Variants in EBF2 observed in about 807,000 individuals in gnomAD.
The protein encoded by EBF2 is transcription factor COE2.
Under a neutral mutation model 72.8 loss-of-function variants are expected in EBF2, and 21 were observed. The ratio of observed to expected loss-of-function variants is 0.29; its 90% CI spans 0.20 to 0.42. EBF2 has a LOEUF of 0.42. Among genes scored for constraint, EBF2 ranks in the 10% least tolerant of loss-of-function variants. The pLI, the probability that EBF2 is intolerant of heterozygous loss-of-function variation, is 1.00. For missense variants in EBF2, 637 were observed against 731.2 expected (o/e 0.87, Z 1.49); for synonymous variants, 299 against 274.2 (o/e 1.09, Z -0.89).
intron 15 of EBF2, 30 bp from the exon 16 acceptor site, chr8:25,844,670 A>T: frequency 6.2e-7 from 1 of 1,613,856 alleles, no homozygotes; most frequent in Non-Finnish European, 8.5e-7. Context: ...CAGGAATGAG[A>T]CTTGGGGACT....
In EBF2 at chr8:25,861,055, T is replaced by G; in HGVS notation, c.1336A>C (p.Asn446His). 1 of 1,614,148 alleles carries G rather than the reference T, an allele frequency of 6.2e-7. No homozygotes were observed. Among genetic ancestry groups the G allele is most frequent in the Non-Finnish European group, 8.5e-7 (1 of 1,180,018 alleles). The change falls in exon 13 of 16, where the codon AAT (asparagine) becomes CAT (histidine). Residue 446 changes from asparagine (N) to histidine (H), a missense_variant. Around this residue, in one of 3 missense-constraint regions of EBF2, gnomAD observed 259 missense variants for 268.1 expected, o/e 0.97. Transcript: ENST00000520164. ...VSISESTQGN[N>H]QGYIRNTSSI... Reference sequence around the variant, plus strand: ...ACTCTAAGAAAGGTGGTACCTTGATTATTTCCTTGTGTTGACTCTGAGATG... The same window carrying G: ...ACTCTAAGAAAGGTGGTACCTTGATGATTTCCTTGTGTTGACTCTGAGATG...
intron 6 of EBF2, among the ~76,000 whole-genome samples, chr8:25,943,475 A>T (rs1803714497): frequency 6.6e-6 from 1 of 152,166 alleles, no homozygotes; most frequent in East Asian, 1.9e-4. Context: ...ATGCCACTGC[A>T]CTCCAGTCTG....
At chr8:25,879,167 T>C (rs1802567232) in intron 10 of EBF2, among the ~76,000 whole-genome samples, 3 of 152,174 alleles carry the variant, frequency 2.0e-5, no homozygotes, top group Non-Finnish European at 4.4e-5. Flanking sequence ...ATCTAAACAT[T>C]GGGTCATATC....
chr8:25,971,208 T>C (rs1323271076), intron 6 of EBF2, among the ~76,000 whole-genome samples: 1 of 152,136 alleles, frequency 6.6e-6, no homozygotes, highest in African/African-American at 2.4e-5. Context: ...ACCTGGCTAA[T>C]GTGGAAAAAT....
At chr8:25,848,147 T>G (rs1801877910) in intron 15 of EBF2, among the ~76,000 whole-genome samples, 1 of 152,150 alleles carries the variant, frequency 6.6e-6, no homozygotes. Context: ...TATAGGTGTG[T>G]GCCACCACGC....
At chr8:25,848,038 AC>A (rs1490579732) in intron 15 of EBF2, among the ~76,000 whole-genome samples, 1 of 149,066 alleles carries the variant, frequency 6.7e-6, no homozygotes, top group Admixed American at 6.6e-5. Context: ...TTAAAAAAAA[AC>A]CTATAAAAAC....
chr8:25,865,749 G>A (rs1401122836), intron 10 of EBF2, among the ~76,000 whole-genome samples: 3 of 150,292 alleles, frequency 2.0e-5, no homozygotes, highest in Admixed American at 1.3e-4. Context: ...AACCAGGCCA[G>A]GCGCAGTGAC....
intron 6 of EBF2, among the ~76,000 whole-genome samples, chr8:25,971,917 G>A (rs1402562265): frequency 1.3e-5 from 2 of 152,304 alleles, no homozygotes; most frequent in East Asian, 3.9e-4. Flanking sequence ...TGGGCTGCAA[G>A]GCTGGGCGCC....
At chr8:25,982,902 A>T (rs1037316482) in intron 6 of EBF2, among the ~76,000 whole-genome samples, 14 of 151,440 alleles carry the variant, frequency 9.2e-5, no homozygotes, top group African/African-American at 3.4e-4. Flanking sequence ...TTACATATCA[A>T]TATATCTTTA....
rs145529564 is a variant in EBF2 at position 26,008,441 on chromosome 8, T to C, written c.551+24644A>G. ...TTAAATAAATGTTTAAGTGGCTGTTTAAGAGCAAAAAGTCAGCCTAGTGTA... is the reference window on the plus strand; with the variant it reads ...TTAAATAAATGTTTAAGTGGCTGTTCAAGAGCAAAAAGTCAGCCTAGTGTA... On this transcript the variant is annotated intron_variant, in intron 6 of 15. Transcript: ENST00000520164. Among the ~76,000 whole-genome samples, 1,260 of 152,256 alleles carry C rather than the reference T, an allele frequency of 8.3e-3. 9 individuals carry two copies. The highest frequency in any genetic ancestry group is 0.021 in the African/African-American group (893 of 41,554).
chr8:25,985,307 A>G (rs1461574660), intron 6 of EBF2, among the ~76,000 whole-genome samples: 1 of 152,194 alleles, frequency 6.6e-6, no homozygotes, highest in Non-Finnish European at 1.5e-5. Context: ...ATACAGTGCC[A>G]CAGCAGATTT....
At chr8:25,860,220 A>G (rs746198608) in intron 13 of EBF2, among the ~76,000 whole-genome samples, 10 of 152,204 alleles carry the variant, frequency 6.6e-5, no homozygotes, top group Non-Finnish European at 1.5e-4. Context: ...TCTGCTTCAC[A>G]TGTAAAAGCA....
At chr8:26,009,195 T>C (rs1804937596) in intron 6 of EBF2, among the ~76,000 whole-genome samples, 1 of 152,074 alleles carries the variant, frequency 6.6e-6, no homozygotes, top group Non-Finnish European at 1.5e-5. Flanking sequence ...GCTCTTTCTT[T>C]CCTTTTCCTT....
chr8:25,938,990 C>T (rs1385965929), intron 6 of EBF2, among the ~76,000 whole-genome samples: 1 of 152,148 alleles, frequency 6.6e-6, no homozygotes, highest in Non-Finnish European at 1.5e-5. Context: ...GGAACCCCTC[C>T]ATGGACAGTT....
chr8:25,928,564 C>T (rs73225942), intron 6 of EBF2, among the ~76,000 whole-genome samples: 6,730 of 152,074 alleles, frequency 0.044, 206 homozygotes, highest in South Asian at 0.077. Flanking sequence ...TCACTTAGAA[C>T]GAAGCCAGAG....
intron 6 of EBF2, chr8:26,032,099 C>T (rs1045427478): frequency 6.6e-6 from 1 of 152,208 alleles, no homozygotes; most frequent in African/African-American, 2.4e-5. Flanking sequence ...ACTGCACCTC[C>T]TAACCCATCA....
At chr8:26,002,132 C>T (rs930065251) in intron 6 of EBF2, among the ~76,000 whole-genome samples, 4 of 152,144 alleles carry the variant, frequency 2.6e-5, no homozygotes, top group Non-Finnish European at 1.5e-5. Flanking sequence ...AGGCCACTTG[C>T]TTGCCTGAAA....
At chr8:25,946,930 T>C (rs1803779317) in intron 6 of EBF2, among the ~76,000 whole-genome samples, 1 of 152,226 alleles carries the variant, frequency 6.6e-6, no homozygotes. Flanking sequence ...TTACGTTTTT[T>C]TGTGACTAGC....
At chr8:25,915,788 C>T (rs1212665081) in intron 6 of EBF2, among the ~76,000 whole-genome samples, 1 of 151,884 alleles carries the variant, frequency 6.6e-6, no homozygotes, top group Non-Finnish European at 1.5e-5. Context: ...AAGCATTTAC[C>T]CAAGGGACAG....
Sources: gnomAD v4.1 joint callset for allele counts (sites outside exome capture counted in the v4.1 genomes callset) on GRCh38, gnomAD v4.1.1 for gene constraint, gnomAD v4.1.1 regional missense constraint, MANE v1.5 for transcripts, NCBI Gene and HGNC (gene_info 2026-07-23, HGNC 2026-07-21) for gene names.